The following ICA1 variants were observed in gnomAD, a reference collection of about 807,000 sequenced individuals.
ICA1 encodes 69 kDa islet cell autoantigen.
In ICA1, 40 loss-of-function variants were observed where a neutral mutation model predicts 71.0. That is an observed-to-expected ratio of 0.56 (90% CI 0.44 to 0.73). The LOEUF is 0.73. ICA1 is among the 30% of genes least tolerant of loss of function. The probability of loss-of-function intolerance (pLI) is 0.00; values close to 1 mark genes in which losing one functional copy is unlikely to be tolerated. For missense variants in ICA1, 578 were observed against 576.5 expected (o/e 1.00, Z -0.03); for synonymous variants, 207 against 209.5 (o/e 0.99, Z 0.10).
chr7:8,137,728 A>G (rs1793898144), intron 12 of ICA1, among the ~76,000 whole-genome samples: 1 of 152,250 alleles, frequency 6.6e-6, no homozygotes, highest in African/African-American at 2.4e-5. Context: ...GTCGTAAGAC[A>G]GTAACAGGGA....
In ICA1 at chr7:8,127,994, C is replaced by A. The variant is rs374530697; in HGVS notation, c.1209G>T (p.Val403=). Residue 403 remains valine, a synonymous_variant, in exon 13 of 14, where the codon GTG becomes GTT. Coordinates refer to ENST00000402384, the MANE Select transcript of ICA1 (RefSeq NM_001136020.3). ...EWAAVFGDGQ[V]KEPVPTMALG... ...GGGCCATAGTGGGCACTGGCTCCTT[C>A]ACTTGGCCGTCTCCAAACACAGCGG... 1.2e-6 allele frequency: 2 copies of A among 1,614,216 alleles called. No homozygotes were observed. Among genetic ancestry groups the A allele is most frequent in the South Asian group, 2.2e-5 (2 of 91,086 alleles).
intron 6 of ICA1, among the ~76,000 whole-genome samples, chr7:8,194,612 C>A (rs1470568458): frequency 6.6e-6 from 1 of 152,178 alleles, no homozygotes; most frequent in African/African-American, 2.4e-5. Flanking sequence ...CAGATTCCTA[C>A]AAATTCAGGG....
intron 6 of ICA1, among the ~76,000 whole-genome samples, chr7:8,211,467 G>C (rs916142564): frequency 1.3e-5 from 2 of 152,120 alleles, no homozygotes; most frequent in African/African-American, 4.8e-5. Context: ...TTGTAGATCA[G>C]GTCTCATTCT....
chr7:8,261,184 A>G (rs1388122585), intron 1 of ICA1, among the ~76,000 whole-genome samples: 5 of 152,156 alleles, frequency 3.3e-5, no homozygotes, highest in Admixed American at 1.3e-4. Context: ...AGAGAACGCG[A>G]TTCTTTCCAA....
chr7:8,198,004 G>A (rs569774399), intron 6 of ICA1, among the ~76,000 whole-genome samples: 13 of 152,316 alleles, frequency 8.5e-5, no homozygotes, highest in African/African-American at 2.6e-4. Flanking sequence ...TTGGAATGAT[G>A]TATTTCTATC....
intron 12 of ICA1, among the ~76,000 whole-genome samples, chr7:8,135,079 T>C (rs1163228827): frequency 6.6e-6 from 1 of 152,110 alleles, no homozygotes; most frequent in East Asian, 1.9e-4. Flanking sequence ...TAGACTGGAG[T>C]GCAGTGGTGC....
intron 8 of ICA1, among the ~76,000 whole-genome samples, chr7:8,146,868 A>G (rs1361282844): frequency 7.6e-6 from 1 of 131,418 alleles, no homozygotes; most frequent in Non-Finnish European, 1.7e-5. Context: ...ACACACACAC[A>G]CACACACACA....
intron 6 of ICA1, among the ~76,000 whole-genome samples, chr7:8,215,446 T>C (rs535809759): frequency 3.3e-5 from 5 of 152,058 alleles, no homozygotes; most frequent in South Asian, 2.1e-4. Flanking sequence ...CGTGCCACCA[T>C]AGACACTACT....
chr7:8,239,060 A>G (rs1255569022), intron 1 of ICA1, among the ~76,000 whole-genome samples: 1 of 152,236 alleles, frequency 6.6e-6, no homozygotes, highest in Non-Finnish European at 1.5e-5. Flanking sequence ...TAGGCACAGG[A>G]GCAAAGGAAT....
At chr7:8,192,907 TC>T (rs1207513063) in intron 6 of ICA1, among the ~76,000 whole-genome samples, 4 of 152,216 alleles carry the variant, frequency 2.6e-5, no homozygotes, top group Admixed American at 6.5e-5. Context: ...TTTTGACAAG[TC>T]CCCCTTATTC....
At chr7:8,249,680 G>T (rs1053868630) in intron 1 of ICA1, among the ~76,000 whole-genome samples, 6 of 152,164 alleles carry the variant, frequency 3.9e-5, no homozygotes, top group African/African-American at 1.2e-4. Flanking sequence ...TTATTTCAGA[G>T]ATCAGTTTCA....
chr7:8,249,516 C>A (rs1160427184), intron 1 of ICA1, among the ~76,000 whole-genome samples: 1 of 152,226 alleles, frequency 6.6e-6, no homozygotes, highest in Admixed American at 6.5e-5. Context: ...TTATTTCACA[C>A]TCGGTGGGCA....
intron 6 of ICA1, among the ~76,000 whole-genome samples, chr7:8,177,222 AATT>A (rs1475445691): frequency 6.6e-6 from 1 of 152,232 alleles, no homozygotes; most frequent in Admixed American, 6.5e-5. Context: ...ATACAGTCAA[AATT>A]ATTCACAATC....
intron 12 of ICA1, among the ~76,000 whole-genome samples, chr7:8,138,116 A>AC (rs1794031324): frequency 6.6e-6 from 1 of 152,188 alleles, no homozygotes; most frequent in Admixed American, 6.5e-5. Flanking sequence ...TAAGGCTATA[A>AC]TTAGGCTGAA....
chr7:8,132,043 C>A lies in ICA1; in HGVS notation c.1061-3901G>T, dbSNP rs1791632040. On this transcript the variant is annotated intron_variant, in intron 12 of 13. Transcript: ENST00000402384. The surrounding 1 kb of genome is among the most constrained non-coding windows in gnomAD (Gnocchi z 4.5). Reference sequence around the variant, plus strand: ...AAACCCACAGATGCTACACCAAGTTCCCTTCACTCTCTTGCAGGCTCCCAA... The same window carrying A: ...AAACCCACAGATGCTACACCAAGTTACCTTCACTCTCTTGCAGGCTCCCAA... Among the ~76,000 whole-genome samples, 2 of 152,184 alleles carry A rather than the reference C, an allele frequency of 1.3e-5. No homozygotes were observed. The highest frequency in any genetic ancestry group is 4.8e-5 in the African/African-American group (2 of 41,434).
At chr7:8,117,789 C>A (rs1373317831) in intron 13 of ICA1, among the ~76,000 whole-genome samples, 1 of 152,156 alleles carries the variant, frequency 6.6e-6, no homozygotes, top group African/African-American at 2.4e-5. Flanking sequence ...GGCAGTGAAA[C>A]CAATGTCCAG....
intron 12 of ICA1, among the ~76,000 whole-genome samples, chr7:8,135,408 T>C (rs1196809119): frequency 2.0e-5 from 3 of 151,856 alleles, no homozygotes; most frequent in Admixed American, 6.6e-5. Flanking sequence ...GAACAGTATT[T>C]GGTTAAAAAA....
intron 12 of ICA1, among the ~76,000 whole-genome samples, chr7:8,131,568 TTC>T (rs1791454807): frequency 6.6e-6 from 1 of 152,224 alleles, no homozygotes; most frequent in Non-Finnish European, 1.5e-5. Flanking sequence ...AGTGCACATT[TTC>T]TCTTTTAAGA....
At chr7:8,135,152 G>C (rs1245982279) in intron 12 of ICA1, among the ~76,000 whole-genome samples, 1 of 152,046 alleles carries the variant, frequency 6.6e-6, no homozygotes, top group East Asian at 1.9e-4. Context: ...TCAGCCTCCA[G>C]AGTAGCTGGG....
Sources: allele counts gnomAD v4.1 joint callset (sites outside exome capture counted in the v4.1 genomes callset), GRCh38; gene constraint gnomAD v4.1.1; non-coding constraint Gnocchi (gnomAD v3.1); transcripts MANE v1.5; gene names NCBI Gene and HGNC (gene_info 2026-07-23, HGNC 2026-07-21).